Variants in RFPL1 observed in about 807,000 individuals in gnomAD.
The protein encoded by RFPL1 is ret finger protein-like 1.
RFPL1 carries 6 observed loss-of-function variants against 9.6 expected under a neutral mutation model. The ratio of observed to expected loss-of-function variants is 0.62; its 90% CI spans 0.34 to 1.23. RFPL1 has a LOEUF of 1.23. Among genes scored for constraint, RFPL1 ranks in the 50% most tolerant of loss-of-function variants. The pLI is 0.03. For synonymous variants in RFPL1, 145 were observed against 149.4 expected (o/e 0.97, Z 0.22); for missense variants, 352 against 398.4 (o/e 0.88, Z 0.99).
At chr22:29,407,322 A>G in the RFPL1 span, among the ~76,000 whole-genome samples, 2 of 152,112 alleles carry the variant, frequency 1.3e-5, no homozygotes, top group East Asian at 1.9e-4. Flanking sequence ...CAACTTTGAT[A>G]GTAAAGGACA....
chr22:29,419,801 CAAAA>C, the RFPL1 span, among the ~76,000 whole-genome samples: 1 of 64,116 alleles, frequency 1.6e-5, no homozygotes. Flanking sequence ...ATCCTCTCTC[CAAAA>C]AAAAAAAAAA....
chr22:29,408,577 A>G, the RFPL1 span, among the ~76,000 whole-genome samples: 1 of 152,178 alleles, frequency 6.6e-6, no homozygotes, highest in Non-Finnish European at 1.5e-5. Flanking sequence ...TGTAAGATGT[A>G]TTTCTTTCTC....
rs759457554 is a variant in RFPL1, at chr22:29,441,680, G to C, written c.512G>C (p.Gly171Ala). ...TTTGACGTGTCCATTTGCATCCTGGGCTCCCCTCGCTTTACCTGTGGCCGC... is the reference window on the plus strand; with the variant it reads ...TTTGACGTGTCCATTTGCATCCTGGCCTCCCCTCGCTTTACCTGTGGCCGC... The change falls in exon 2 of 2, where the codon GGC becomes GCC. Residue 171 changes from glycine (G) to alanine (A), a missense_variant. Gly to Ala is a moderately conservative substitution (Grantham distance 60). Coordinates refer to ENST00000354373, the Ensembl canonical transcript of RFPL1. 2.5e-6 allele frequency: 4 copies of C among 1,613,936 alleles called. No individual in the cohort carries two copies. In the Admixed American group the frequency reaches 6.7e-5, roughly 27 times the overall value.
chr22:29,410,059 G>A, the RFPL1 span, among the ~76,000 whole-genome samples: 3 of 151,626 alleles, frequency 2.0e-5, no homozygotes, highest in African/African-American at 7.3e-5. Flanking sequence ...CGGGGGGCCA[G>A]TGACTTGATC....
chr22:29,405,430 G>T, the RFPL1 span, among the ~76,000 whole-genome samples: 23 of 152,280 alleles, frequency 1.5e-4, no homozygotes, highest in South Asian at 2.3e-3. Flanking sequence ...ATAACTGAGA[G>T]ACTTTAAATG....
At chr22:29,430,473 A>G in the RFPL1 span, among the ~76,000 whole-genome samples, 1 of 152,220 alleles carries the variant, frequency 6.6e-6, no homozygotes, top group Non-Finnish European at 1.5e-5. Flanking sequence ...TAATGGAAAC[A>G]GTAAAATTAT....
chr22:29,427,850 G>T, the RFPL1 span, among the ~76,000 whole-genome samples: 36 of 152,298 alleles, frequency 2.4e-4, no homozygotes, highest in Non-Finnish European at 1.8e-4. Context: ...TTCTGTGTAA[G>T]AGCAGGTACT....
At chr22:29,435,038 C>T (rs2062802106), upstream of RFPL1, 1 of 152,240 alleles carries the variant, frequency 6.6e-6, no homozygotes, top group Admixed American at 6.5e-5. Context: ...TAGACAATCA[C>T]TTTATGCTCA....
the RFPL1 span, among the ~76,000 whole-genome samples, chr22:29,392,194 C>G: frequency 6.6e-6 from 1 of 152,124 alleles, no homozygotes; most frequent in African/African-American, 2.4e-5. Flanking sequence ...ATTCTCCTGC[C>G]TCAGCCTCTC....
At chr22:29,409,588 C>T in the RFPL1 span, among the ~76,000 whole-genome samples, 1 of 152,176 alleles carries the variant, frequency 6.6e-6, no homozygotes, top group African/African-American at 2.4e-5. Context: ...GGTCGAAGAT[C>T]TCAGTGAATA....
At chr22:29,396,365 G>A in the RFPL1 span, among the ~76,000 whole-genome samples, 11 of 152,160 alleles carry the variant, frequency 7.2e-5, no homozygotes, top group Non-Finnish European at 1.6e-4. Context: ...CTCTCTTTCT[G>A]CCATGGGAAT....
At chr22:29,391,811 G>A in the RFPL1 span, among the ~76,000 whole-genome samples, 1 of 152,218 alleles carries the variant, frequency 6.6e-6, no homozygotes, top group Non-Finnish European at 1.5e-5. Flanking sequence ...AGGTGTCTGA[G>A]TCCTGCAGAA....
chr22:29,407,133 T>G, the RFPL1 span, among the ~76,000 whole-genome samples: 3 of 151,276 alleles, frequency 2.0e-5, no homozygotes, highest in African/African-American at 7.3e-5. Flanking sequence ...AGGTCTCATT[T>G]GTCACCCAGG....
chr22:29,410,748 G>A, the RFPL1 span, among the ~76,000 whole-genome samples: 96 of 150,624 alleles, frequency 6.4e-4, no homozygotes, highest in African/African-American at 2.2e-3. Flanking sequence ...CAGCTCCCAG[G>A]TTTGAGGACT....
chr22:29,407,749 A>G, the RFPL1 span, among the ~76,000 whole-genome samples: 19 of 152,318 alleles, frequency 1.2e-4, no homozygotes, highest in African/African-American at 4.6e-4. Context: ...CTTCTTAAAC[A>G]GATATTATTA....
chr22:29,393,424 G>A, the RFPL1 span, among the ~76,000 whole-genome samples: 1 of 152,204 alleles, frequency 6.6e-6, no homozygotes, highest in Admixed American at 6.5e-5. Context: ...TAAAAGGCTG[G>A]ATAATTACAG....
chr22:29,418,496 CTTTT>C, the RFPL1 span, among the ~76,000 whole-genome samples: 1 of 124,480 alleles, frequency 8.0e-6, no homozygotes, highest in Non-Finnish European at 1.7e-5. Context: ...TCTTCGTCTT[CTTTT>C]TTTTTTTTTT....
chr22:29,440,515 C>T (rs1339958800), intron 1 of RFPL1: 1 of 152,128 alleles, frequency 6.6e-6, no homozygotes, highest in Non-Finnish European at 1.5e-5. Flanking sequence ...AAATTATTGA[C>T]CTTTGTATTT....
upstream of RFPL1, among the ~76,000 whole-genome samples, chr22:29,436,028 G>A (rs965001997): frequency 7.2e-5 from 11 of 152,140 alleles, no homozygotes; most frequent in African/African-American, 2.7e-4. Flanking sequence ...ATAGAATTGT[G>A]GGTATAGAGG....
Sources: gnomAD v4.1 joint callset for allele counts (sites outside exome capture counted in the v4.1 genomes callset) on GRCh38, gnomAD v4.1.1 for gene constraint, MANE v1.5 for transcripts, NCBI Gene and HGNC (gene_info 2026-07-23, HGNC 2026-07-21) for gene names.